The following CSMD1 variants were observed in gnomAD, a reference collection of about 807,000 sequenced individuals.
The protein encoded by CSMD1 is CUB and Sushi multiple domains 1, also known as CUB and sushi domain-containing protein 1.
A neutral mutation model predicts 417.5 loss-of-function variants in CSMD1; 213 were observed. That is an observed-to-expected ratio of 0.51 (90% CI 0.46 to 0.57). CSMD1 has a LOEUF of 0.57. Ranked by LOEUF, CSMD1 falls within the 20% of genes least tolerant of loss-of-function variation. The probability of loss-of-function intolerance (pLI) is 0.00; values close to 1 mark genes in which losing one functional copy is unlikely to be tolerated. For missense variants in CSMD1, 6,923 were observed against 4,529.7 expected (o/e 1.53, Z -15.17); for synonymous variants, 2,862 against 1,736.8 (o/e 1.65, Z -16.11).
intron 8 of CSMD1, among the ~76,000 whole-genome samples, chr8:3,610,958 A>G (rs1801862709): frequency 6.6e-6 from 1 of 151,466 alleles, no homozygotes; most frequent in South Asian, 2.1e-4. Flanking sequence ...AGCACCAGGC[A>G]GTAGGAGAGA....
At chr8:3,862,898 G>C (rs1021108711) in intron 5 of CSMD1, among the ~76,000 whole-genome samples, 1 of 152,104 alleles carries the variant, frequency 6.6e-6, no homozygotes. Flanking sequence ...GTTCATTCCA[G>C]GACCTATAGC....
intron 3 of CSMD1, among the ~76,000 whole-genome samples, chr8:4,164,105 G>A (rs116590233): frequency 1.6e-5 from 2 of 127,616 alleles, no homozygotes; most frequent in Non-Finnish European, 3.4e-5. Flanking sequence ...TGTTTTTAAA[G>A]AATACTTTTA....
chr8:3,105,564 T>C (rs1053543895), intron 46 of CSMD1, among the ~76,000 whole-genome samples: 3 of 152,244 alleles, frequency 2.0e-5, no homozygotes, highest in Non-Finnish European at 2.9e-5. Context: ...TGTCTTCTAA[T>C]AGATTAAATC....
At chr8:3,385,090 TAA>T (rs1382122951) in intron 18 of CSMD1, among the ~76,000 whole-genome samples, 5 of 97,904 alleles carry the variant, frequency 5.1e-5, no homozygotes, top group African/African-American at 1.8e-4. Flanking sequence ...AATTTATATA[TAA>T]AATATATATA....
At chr8:4,867,721 C>T (rs1802499850) in intron 1 of CSMD1, among the ~76,000 whole-genome samples, 1 of 152,048 alleles carries the variant, frequency 6.6e-6, no homozygotes, top group African/African-American at 2.4e-5. Context: ...AATTGTCAAA[C>T]AAAATGCCGT....
intron 1 of CSMD1, among the ~76,000 whole-genome samples, chr8:4,821,135 G>A (rs1585157235): frequency 6.6e-6 from 1 of 152,096 alleles, no homozygotes; most frequent in Admixed American, 6.6e-5. Flanking sequence ...CAGGCAAGAC[G>A]CCGAAACTTC....
At chr8:3,472,960 G>C (rs1398048121) in intron 11 of CSMD1, among the ~76,000 whole-genome samples, 1 of 151,818 alleles carries the variant, frequency 6.6e-6, no homozygotes, top group Non-Finnish European at 1.5e-5. Flanking sequence ...CAACCTCTCA[G>C]CTGAACACTG....
At chr8:4,097,001 C>G (rs532499224) in intron 3 of CSMD1, among the ~76,000 whole-genome samples, 1 of 152,120 alleles carries the variant, frequency 6.6e-6, no homozygotes, top group Admixed American at 6.6e-5. Flanking sequence ...GAGATAAAAT[C>G]TTTGAAAATT....
chr8:3,639,309 G>A (rs184768211), intron 7 of CSMD1, among the ~76,000 whole-genome samples: 1 of 152,262 alleles, frequency 6.6e-6, no homozygotes, highest in African/African-American at 2.4e-5. Context: ...TTTGCTTGGG[G>A]TGTTGTTTCA....
chr8:4,164,906 T>C (rs537407318), intron 3 of CSMD1, among the ~76,000 whole-genome samples: 403 of 151,382 alleles, frequency 2.7e-3, no homozygotes, highest in African/African-American at 9.3e-3. Flanking sequence ...TATATATGTA[T>C]ATATATAGTT....
At chr8:2,956,763 C>G (rs1803040116) in intron 63 of CSMD1, among the ~76,000 whole-genome samples, 1 of 152,074 alleles carries the variant, frequency 6.6e-6, no homozygotes, top group Admixed American at 6.6e-5. Flanking sequence ...GCCAAGTTTA[C>G]AATTCTAAAA....
chr8:3,689,499 C>G (rs1011502928), intron 7 of CSMD1, among the ~76,000 whole-genome samples: 1 of 152,208 alleles, frequency 6.6e-6, no homozygotes, highest in Non-Finnish European at 1.5e-5. Context: ...TTTATTCTCA[C>G]TCTGCTCATA....
At chr8:4,054,889 A>G (rs1798611717) in intron 3 of CSMD1, among the ~76,000 whole-genome samples, 1 of 152,110 alleles carries the variant, frequency 6.6e-6, no homozygotes, top group Non-Finnish European at 1.5e-5. Flanking sequence ...TACAAAGGCT[A>G]CGTCTGCCTG....
intron 7 of CSMD1, among the ~76,000 whole-genome samples, chr8:3,667,458 G>A (rs1250386938): frequency 6.6e-6 from 1 of 152,082 alleles, no homozygotes; most frequent in Non-Finnish European, 1.5e-5. Flanking sequence ...AGGCCTTGGG[G>A]CACTACAGCC....
chr8:3,154,268 C>T (rs1284157146), intron 39 of CSMD1, among the ~76,000 whole-genome samples: 1 of 152,216 alleles, frequency 6.6e-6, no homozygotes, highest in Non-Finnish European at 1.5e-5. Context: ...CCACTGTGCC[C>T]AGCCCTTTGT....
intron 5 of CSMD1, among the ~76,000 whole-genome samples, chr8:3,779,562 C>G (rs925260378): frequency 1.3e-5 from 2 of 152,126 alleles, no homozygotes; most frequent in Non-Finnish European, 1.5e-5. Flanking sequence ...GTGAATTATG[C>G]TCAAATATCC....
intron 2 of CSMD1, among the ~76,000 whole-genome samples, chr8:4,566,457 T>A (rs1798612062): frequency 6.6e-6 from 1 of 151,656 alleles, no homozygotes; most frequent in Non-Finnish European, 1.5e-5. Context: ...AACGAGACCA[T>A]CCTGGCTAAC....
At chr8:4,303,457 G>A (rs1798089410) in intron 3 of CSMD1, among the ~76,000 whole-genome samples, 1 of 20,094 alleles carries the variant, frequency 5.0e-5, no homozygotes, top group Admixed American at 8.0e-4. Flanking sequence ...TTTTTTTTTT[G>A]AGTTCTCTGT....
At chr8:4,638,418 G>C (rs1351152859) in intron 1 of CSMD1, among the ~76,000 whole-genome samples, 1 of 152,136 alleles carries the variant, frequency 6.6e-6, no homozygotes, top group Non-Finnish European at 1.5e-5. Context: ...TATGCATAAA[G>C]GAAGCTTATC....
Sources: gnomAD v4.1 joint callset for allele counts (sites outside exome capture counted in the v4.1 genomes callset) on GRCh38, gnomAD v4.1.1 for gene constraint, MANE v1.5 for transcripts, NCBI Gene and HGNC (gene_info 2026-07-23, HGNC 2026-07-21) for gene names.